Variants in SUFU observed in about 807,000 individuals in gnomAD.
SUFU encodes the protein SUFU negative regulator of hedgehog signaling, also known as suppressor of fused homolog.
A neutral mutation model predicts 58.9 loss-of-function variants in SUFU; 7 were observed. The observed-to-expected ratio is 0.12, with a 90% CI of 0.07 to 0.22. SUFU has a LOEUF of 0.22. Ranked by LOEUF, SUFU falls within the 10% of genes least tolerant of loss-of-function variation. The pLI, the probability that SUFU is intolerant of heterozygous loss-of-function variation, is 1.00. For synonymous variants in SUFU, 232 were observed against 254.8 expected, an observed-to-expected ratio of 0.91 and a Z score of 0.85; for missense variants, 451 against 641.3, an observed-to-expected ratio of 0.70 and a Z score of 3.20.
At chr10:102,591,427 G>C (rs1370085748) in intron 3 of SUFU, 1 of 151,938 alleles carries the variant, frequency 6.6e-6, no homozygotes, top group Non-Finnish European at 1.5e-5. Flanking sequence ...TTGAACCCAG[G>C]AGGCGGAGGT....
At chr10:102,532,091 T>C (rs879681106) in intron 2 of SUFU, among the ~76,000 whole-genome samples, 1 of 152,058 alleles carries the variant, frequency 6.6e-6, no homozygotes, top group Non-Finnish European at 1.5e-5. Context: ...GCCTCCTGAG[T>C]AGCTGGGATT....
intron 3 of SUFU, among the ~76,000 whole-genome samples, chr10:102,580,203 T>C (rs1465892241): frequency 6.6e-6 from 1 of 152,160 alleles, no homozygotes; most frequent in Non-Finnish European, 1.5e-5. Flanking sequence ...GTGCACTGTG[T>C]TGGGAGAAAG....
chr10:102,587,412 A>G (rs1316117863), intron 3 of SUFU, among the ~76,000 whole-genome samples: 1 of 152,142 alleles, frequency 6.6e-6, no homozygotes, highest in African/African-American at 2.4e-5. Flanking sequence ...AGTCACCCTA[A>G]TGGGTATAAA....
chr10:102,627,106 C>T (rs893124030), intron 10 of SUFU, 69 bp from the exon 11 acceptor site: 18 of 1,536,356 alleles, frequency 1.2e-5, no homozygotes, highest in Admixed American at 6.7e-5. Context: ...AGAGGTATAA[C>T]GCTTGGTGGT....
intron 10 of SUFU, among the ~76,000 whole-genome samples, chr10:102,621,111 G>A (rs1030688558): frequency 3.3e-5 from 5 of 152,200 alleles, no homozygotes; most frequent in Admixed American, 2.0e-4. Flanking sequence ...TCTCCTCTGG[G>A]CAAGCCCTGC....
At chr10:102,553,939 T>C (rs1468974112) in intron 3 of SUFU, among the ~76,000 whole-genome samples, 1 of 152,152 alleles carries the variant, frequency 6.6e-6, no homozygotes, top group African/African-American at 2.4e-5. Flanking sequence ...ACAAAAATTT[T>C]AAAAATTAGC....
Position 102,617,562 on chromosome 10 carries a change from C to A in SUFU, c.1296+134C>A. 7.8e-7 allele frequency: 1 copy of A among 1,282,700 alleles called. No homozygotes were observed. The highest frequency in any genetic ancestry group is 1.9e-5 in the Admixed American group (1 of 53,646). 79.5% of individuals were successfully genotyped at this position (1,282,700 alleles called of 1,614,324 possible). A position where few individuals can be genotyped will look rare whatever the true frequency, so the allele number is the denominator to read the frequency against. On this transcript the variant is annotated intron_variant, in intron 10 of 11. Coordinates refer to ENST00000369902, the MANE Select transcript of SUFU (RefSeq NM_016169.4). The surrounding 1 kb of genome is among the most constrained non-coding windows in gnomAD (Gnocchi z 4.4). ...CATGAATGCCTCATGGATTCAGGGC[C>A]TGGGGCCTGTGTGTAGGTATGGAGT...
At chr10:102,568,172 C>T (rs969020904) in intron 3 of SUFU, among the ~76,000 whole-genome samples, 7 of 149,810 alleles carry the variant, frequency 4.7e-5, no homozygotes, top group African/African-American at 1.5e-4. Context: ...GAAACCTTGT[C>T]GCAGAACAAT....
At chr10:102,528,614 C>A (rs1358173118) in intron 2 of SUFU, among the ~76,000 whole-genome samples, 1 of 152,024 alleles carries the variant, frequency 6.6e-6, no homozygotes, top group African/African-American at 2.4e-5. Flanking sequence ...TCCAGGAAAC[C>A]CTTTGCTCAC....
chr10:102,536,478 C>G (rs182178040), intron 2 of SUFU, among the ~76,000 whole-genome samples: 11 of 150,874 alleles, frequency 7.3e-5, no homozygotes, highest in African/African-American at 2.2e-4. Flanking sequence ...ATTCTCCTGC[C>G]TCAGCATCCC....
At chr10:102,546,448 G>C (rs2062856494) in intron 2 of SUFU, among the ~76,000 whole-genome samples, 1 of 152,268 alleles carries the variant, frequency 6.6e-6, no homozygotes, top group Non-Finnish European at 1.5e-5. Flanking sequence ...TTAGAAAAAT[G>C]CTTTGCTCTG....
intron 8 of SUFU, among the ~76,000 whole-genome samples, chr10:102,605,768 A>G (rs1325503111): frequency 6.6e-6 from 1 of 152,214 alleles, no homozygotes; most frequent in Non-Finnish European, 1.5e-5. Context: ...ATCAGAAAGC[A>G]AAAGGAAGAA....
chr10:102,545,020 A>G (rs1282794325), intron 2 of SUFU, among the ~76,000 whole-genome samples: 2 of 152,070 alleles, frequency 1.3e-5, no homozygotes, highest in Admixed American at 1.3e-4. Flanking sequence ...TCCTCAGTTG[A>G]TGGACATTTG....
intron 1 of SUFU, among the ~76,000 whole-genome samples, chr10:102,506,429 A>T (rs1186908154): frequency 6.6e-6 from 1 of 152,014 alleles, no homozygotes; most frequent in Non-Finnish European, 1.5e-5. Flanking sequence ...CCCAGGCTGG[A>T]GTGCAGTGGC....
chr10:102,561,809 C>G (rs576679056), intron 3 of SUFU, among the ~76,000 whole-genome samples: 1 of 151,742 alleles, frequency 6.6e-6, no homozygotes, highest in Non-Finnish European at 1.5e-5. Context: ...GCTGGGACTA[C>G]AGGTGCATGC....
intron 3 of SUFU, among the ~76,000 whole-genome samples, chr10:102,571,291 G>A (rs548609382): frequency 5.3e-5 from 8 of 152,336 alleles, no homozygotes; most frequent in African/African-American, 1.7e-4. Context: ...GAGCTAAAGA[G>A]AAGTTAGTGT....
At chr10:102,600,967 T>G (rs1221891049) in intron 8 of SUFU, among the ~76,000 whole-genome samples, 1 of 152,182 alleles carries the variant, frequency 6.6e-6, no homozygotes, top group African/African-American at 2.4e-5. Context: ...ATACGACATA[T>G]GGAAGCTCTC....
chr10:102,547,726 G>A (rs991353937), intron 2 of SUFU, among the ~76,000 whole-genome samples: 1 of 152,132 alleles, frequency 6.6e-6, no homozygotes, highest in African/African-American at 2.4e-5. Flanking sequence ...GGAGGTTGAG[G>A]TGGAAGGATT....
intron 2 of SUFU, among the ~76,000 whole-genome samples, chr10:102,512,477 G>A (rs933337708): frequency 4.6e-5 from 7 of 152,226 alleles, no homozygotes; most frequent in Non-Finnish European, 7.3e-5. Context: ...ATAACATGAA[G>A]AATGTGATTG....
Sources: gnomAD v4.1 joint callset for allele counts (sites outside exome capture counted in the v4.1 genomes callset) on GRCh38, gnomAD v4.1.1 for gene constraint, Gnocchi (gnomAD v3.1) non-coding constraint, MANE v1.5 for transcripts, NCBI Gene and HGNC (gene_info 2026-07-23, HGNC 2026-07-21) for gene names.